Variants in OSBP2 observed in about 807,000 individuals in gnomAD.
OSBP2 encodes oxysterol-binding protein 2.
OSBP2 carries 66 observed loss-of-function variants against 96.0 expected under a neutral mutation model. That is an observed-to-expected ratio of 0.69 (90% CI 0.56 to 0.84). The LOEUF is 0.84. Among genes scored for constraint, OSBP2 ranks in the 40% least tolerant of loss-of-function variants. OSBP2 has a pLI of 0.00. For missense variants in OSBP2, 1,038 were observed against 1,222.7 expected, an observed-to-expected ratio of 0.85 and a Z score of 2.25; for synonymous variants, 525 against 520.9, an observed-to-expected ratio of 1.01 and a Z score of -0.11.
intron 5 of OSBP2, among the ~76,000 whole-genome samples, chr22:30,888,877 A>G (rs1476338944): frequency 1.3e-5 from 2 of 152,234 alleles, no homozygotes; most frequent in African/African-American, 2.4e-5. Context: ...ACAAACCTGT[A>G]CAACATGTGA....
intron 2 of OSBP2, among the ~76,000 whole-genome samples, chr22:30,865,798 C>T (rs1327029351): frequency 6.6e-6 from 1 of 152,126 alleles, no homozygotes; most frequent in Non-Finnish European, 1.5e-5. Flanking sequence ...CACTAATATC[C>T]CCGGTGTAAG....
At chr22:30,905,708 G>A in intron 12 of OSBP2, 129 bp from the exon 13 acceptor site, 2 of 1,391,654 alleles carry the variant, frequency 1.4e-6, no homozygotes, top group South Asian at 2.8e-5. Context: ...GCCAGAGGGA[G>A]TCCTGGACGC....
chr22:30,846,795 C>A (rs28819825), intron 2 of OSBP2, among the ~76,000 whole-genome samples: 1 of 152,106 alleles, frequency 6.6e-6, no homozygotes, highest in South Asian at 2.1e-4. Context: ...CTGGAAGAAA[C>A]CTCACTTAAT....
chr22:30,788,633 C>G (rs147079851), intron 2 of OSBP2, among the ~76,000 whole-genome samples: 1 of 152,318 alleles, frequency 6.6e-6, no homozygotes, highest in East Asian at 1.9e-4. Context: ...TAATGAGTCT[C>G]TAATGCCAAG....
Position 30,778,065 on chromosome 22 carries a change from G to A in OSBP2, c.853+36696G>A, listed in dbSNP as rs924838430. 2.0e-5 allele frequency among the ~76,000 whole-genome samples: 3 copies of A among 151,550 alleles called. No individual in the cohort carries two copies. In the South Asian group the frequency reaches 6.3e-4, roughly 32 times the overall value. On this transcript the variant is annotated intron_variant, in intron 2 of 13. Coordinates refer to ENST00000332585, the MANE Select transcript of OSBP2 (RefSeq NM_030758.4). ...GGCTAGAGTGCAGTGGTGCAATCTC[G>A]GTTCACTGCAACTCTGCCTCCCGGG...
chr22:30,729,756 A>C (rs957983193), intron 1 of OSBP2, among the ~76,000 whole-genome samples: 1 of 151,984 alleles, frequency 6.6e-6, no homozygotes, highest in South Asian at 2.1e-4. Flanking sequence ...CTGTAATCCC[A>C]GTACTTTGAG....
chr22:30,859,247 T>A (rs2039155725), intron 2 of OSBP2, among the ~76,000 whole-genome samples: 1 of 152,218 alleles, frequency 6.6e-6, no homozygotes. Context: ...TCCAGTGACC[T>A]GCTCAACAGT....
chr22:30,731,457 C>G (rs1387764455), intron 1 of OSBP2: 2 of 152,500 alleles, frequency 1.3e-5, no homozygotes, highest in Non-Finnish European at 2.9e-5. Flanking sequence ...CTGACCTGTT[C>G]TTTTCATATC....
intron 3 of OSBP2, among the ~76,000 whole-genome samples, chr22:30,879,750 T>A (rs2039661120): frequency 6.6e-6 from 1 of 152,208 alleles, no homozygotes; most frequent in African/African-American, 2.4e-5. Flanking sequence ...TTGGGTTTCA[T>A]CTTGTGTAAA....
At chr22:30,802,474 G>T (rs2090863341) in intron 2 of OSBP2, among the ~76,000 whole-genome samples, 1 of 152,240 alleles carries the variant, frequency 6.6e-6, no homozygotes, top group Admixed American at 6.5e-5. Flanking sequence ...CCATCCGAGG[G>T]CCCCTCCCCT....
At chr22:30,730,808 A>ATATATATATATATATATATAT (rs1491303061) in intron 1 of OSBP2, among the ~76,000 whole-genome samples, 1 of 39,342 alleles carries the variant, frequency 2.5e-5, no homozygotes, top group Non-Finnish European at 4.4e-5. Flanking sequence ...ATATATATAT[A>ATATATATATATATATATATAT]ATTTTTTTTT....
At chr22:30,760,764 G>GTC (rs1486721891) in intron 2 of OSBP2, among the ~76,000 whole-genome samples, 1 of 151,966 alleles carries the variant, frequency 6.6e-6, no homozygotes, top group African/African-American at 2.4e-5. Flanking sequence ...GTTGCAGTGA[G>GTC]TGGAGATCGC....
intron 2 of OSBP2, among the ~76,000 whole-genome samples, chr22:30,858,484 G>A (rs2039133176): frequency 6.6e-6 from 1 of 151,972 alleles, no homozygotes; most frequent in Non-Finnish European, 1.5e-5. Context: ...TCAAGAGGCA[G>A]GGGCAGCAGA....
At chr22:30,730,770 CTCTCTATATATATATA>C (rs1569100444) in intron 1 of OSBP2, among the ~76,000 whole-genome samples, 1 of 26,928 alleles carries the variant, frequency 3.7e-5, no homozygotes, top group African/African-American at 1.4e-4. Context: ...CTCTCTCTCT[CTCTCTATATATATATA>C]TATATATATA....
Position 30,809,350 on chromosome 22 carries a change from G to A in OSBP2, c.854-61079G>A, listed in dbSNP as rs370404784. Among the ~76,000 whole-genome samples, 20 of 152,278 alleles carry A rather than the reference G, an allele frequency of 1.3e-4. No homozygotes were observed. In the East Asian group the frequency reaches 3.7e-3, roughly 28 times the overall value. On this transcript the variant is annotated intron_variant, in intron 2 of 13. Coordinates refer to ENST00000332585, the MANE Select transcript of OSBP2 (RefSeq NM_030758.4). ...TATGAGTCAGTGTGGTGAGTACTGC[G>A]AGAAATCGAGAAGTGTATGATGAAG...
intron 2 of OSBP2, among the ~76,000 whole-genome samples, chr22:30,758,257 C>T (rs2090164912): frequency 6.6e-6 from 1 of 152,058 alleles, no homozygotes; most frequent in Non-Finnish European, 1.5e-5. Flanking sequence ...CAAAAATTAG[C>T]CGGGTGTGGT....
At chr22:30,896,710 C>T (rs954123181) in intron 12 of OSBP2, among the ~76,000 whole-genome samples, 7 of 150,834 alleles carry the variant, frequency 4.6e-5, no homozygotes, top group Admixed American at 1.3e-4. Flanking sequence ...TCCAGTGGCA[C>T]GATCACAGCT....
At chr22:30,855,695 G>A (rs1306391242) in intron 2 of OSBP2, among the ~76,000 whole-genome samples, 2 of 152,110 alleles carry the variant, frequency 1.3e-5, no homozygotes, top group South Asian at 2.1e-4. Context: ...CTCTTCTAGC[G>A]CTAGTAGGCC....
intron 2 of OSBP2, chr22:30,844,529 C>A: frequency 6.3e-6 from 1 of 157,742 alleles, no homozygotes; most frequent in South Asian, 1.9e-4. Context: ...CCAACCTCTA[C>A]TAGCTTCAGA....
Sources: allele counts gnomAD v4.1 joint callset (sites outside exome capture counted in the v4.1 genomes callset), GRCh38; gene constraint gnomAD v4.1.1; transcripts MANE v1.5; gene names NCBI Gene and HGNC (gene_info 2026-07-23, HGNC 2026-07-21).